Variants in SGCZ observed in about 807,000 individuals in gnomAD.
SGCZ encodes zeta-sarcoglycan.
SGCZ carries 40 observed loss-of-function variants against 41.3 expected under a neutral mutation model. The ratio of observed to expected loss-of-function variants is 0.97; its 90% confidence interval spans 0.75 to 1.26. The LOEUF is 1.26. SGCZ is among the 50% of genes most tolerant of loss of function. SGCZ has a pLI of 0.00. For missense variants in SGCZ, 552 were observed against 369.8 expected (o/e 1.49, Z -4.04); for synonymous variants, 206 against 137.5 (o/e 1.50, Z -3.49).
chr8:14,752,622 T>C (rs1799533842), intron 1 of SGCZ, among the ~76,000 whole-genome samples: 1 of 152,198 alleles, frequency 6.6e-6, no homozygotes. Flanking sequence ...CTATAGGAGA[T>C]ACTTGAAAAA....
intron 1 of SGCZ, among the ~76,000 whole-genome samples, chr8:14,925,534 T>C (rs1250227513): frequency 6.6e-6 from 1 of 152,194 alleles, no homozygotes; most frequent in Non-Finnish European, 1.5e-5. Context: ...ATGCATTGCC[T>C]ATAAACAGAT....
intron 1 of SGCZ, among the ~76,000 whole-genome samples, chr8:15,102,886 T>G (rs1224869707): frequency 6.6e-6 from 1 of 152,162 alleles, no homozygotes. Context: ...CAGGAACTCT[T>G]TAGTCCAAGA....
chr8:14,328,527 CT>C (rs1246705111), intron 2 of SGCZ, among the ~76,000 whole-genome samples: 1 of 152,106 alleles, frequency 6.6e-6, no homozygotes, highest in Admixed American at 6.6e-5. Flanking sequence ...ATGTAGAAAG[CT>C]TAAAATAGTG....
intron 2 of SGCZ, among the ~76,000 whole-genome samples, chr8:14,387,331 T>A (rs1804610887): frequency 6.6e-6 from 1 of 152,164 alleles, no homozygotes; most frequent in South Asian, 2.1e-4. Flanking sequence ...AGATTACAGG[T>A]GTGAGCCACA....
chr8:15,032,901 C>A (rs72607335), intron 1 of SGCZ, among the ~76,000 whole-genome samples: 4,103 of 151,290 alleles, frequency 0.027, 222 homozygotes, highest in East Asian at 0.25. Context: ...GCCCCAGGCT[C>A]CAGGCCTACC....
intron 6 of SGCZ, among the ~76,000 whole-genome samples, chr8:14,103,168 C>A (rs1429701147): frequency 6.6e-6 from 1 of 151,820 alleles, no homozygotes; most frequent in Non-Finnish European, 1.5e-5. Context: ...AGTACAAATG[C>A]GATTGAAGGT....
At chr8:14,458,451 T>A (rs1800810902) in intron 2 of SGCZ, among the ~76,000 whole-genome samples, 1 of 152,108 alleles carries the variant, frequency 6.6e-6, no homozygotes, top group Non-Finnish European at 1.5e-5. Flanking sequence ...TTAGGATTAA[T>A]CAAATAAGTG....
chr8:14,673,487 T>G (rs942507813), intron 1 of SGCZ, among the ~76,000 whole-genome samples: 4 of 151,886 alleles, frequency 2.6e-5, no homozygotes, highest in African/African-American at 7.3e-5. Context: ...TCTCCTGCCA[T>G]CTTCTGAAGT....
At chr8:14,583,876 T>C (rs1804974595) in intron 1 of SGCZ, among the ~76,000 whole-genome samples, 1 of 152,142 alleles carries the variant, frequency 6.6e-6, no homozygotes, top group Non-Finnish European at 1.5e-5. Context: ...TTTAGGTCTT[T>C]CTTATCTCAA....
intron 4 of SGCZ, among the ~76,000 whole-genome samples, chr8:14,173,169 GT>G (rs35802498): frequency 0.35 from 52,879 of 149,914 alleles, 11,925 homozygotes; most frequent in Non-Finnish European, 0.51. Flanking sequence ...TGCTTTGAGA[GT>G]TTTTTTTTTA....
At chr8:14,933,933 G>A (rs1265342770) in intron 1 of SGCZ, among the ~76,000 whole-genome samples, 6 of 151,920 alleles carry the variant, frequency 3.9e-5, no homozygotes, top group Admixed American at 3.9e-4. Context: ...AGAAGAAAAT[G>A]TTCTTAATCT....
At chr8:14,991,921 A>T (rs1563417016) in intron 1 of SGCZ, among the ~76,000 whole-genome samples, 1 of 151,250 alleles carries the variant, frequency 6.6e-6, no homozygotes, top group African/African-American at 2.4e-5. Flanking sequence ...TCCCAAAACC[A>T]GTGTTACCCT....
Position 14,152,522 on chromosome 8 carries a change from C to T in SGCZ, c.547+12058G>A, listed in dbSNP as rs140535395. On this transcript the variant is annotated intron_variant, in intron 5 of 7. Transcript: ENST00000382080. ...CTTAAAGCACAATGAAATATCACTA[C>T]ACAGCTGTTATCATATGACAACACC... Among the ~76,000 whole-genome samples, 13 of 152,234 alleles carry T rather than the reference C, an allele frequency of 8.5e-5. No homozygotes were observed. In the East Asian group the frequency reaches 2.3e-3, roughly 27 times the overall value.
chr8:14,462,339 C>G (rs1800925200), intron 2 of SGCZ, among the ~76,000 whole-genome samples: 1 of 151,660 alleles, frequency 6.6e-6, no homozygotes, highest in Non-Finnish European at 1.5e-5. Context: ...ATTTGTGTTC[C>G]TTTTTATTAT....
intron 3 of SGCZ, among the ~76,000 whole-genome samples, chr8:14,292,843 G>A (rs1244048618): frequency 1.3e-5 from 2 of 151,826 alleles, no homozygotes; most frequent in Non-Finnish European, 2.9e-5. Flanking sequence ...GTTACATAGA[G>A]TAATCCCTCT....
At chr8:14,227,915 T>C (rs561545660) in intron 4 of SGCZ, among the ~76,000 whole-genome samples, 3 of 152,158 alleles carry the variant, frequency 2.0e-5, no homozygotes, top group East Asian at 1.9e-4. Flanking sequence ...ACCTAGATCA[T>C]AAGTAATGGT....
chr8:15,208,221 C>G (rs10097637), intron 1 of SGCZ, among the ~76,000 whole-genome samples: 118,916 of 152,176 alleles, frequency 0.78, 46,931 homozygotes, highest in Non-Finnish European at 0.83. Context: ...TGCTGGAAAA[C>G]GATGATGAAA....
At chr8:14,350,997 G>T (rs1420360653) in intron 2 of SGCZ, among the ~76,000 whole-genome samples, 2 of 152,052 alleles carry the variant, frequency 1.3e-5, no homozygotes, top group African/African-American at 4.8e-5. Flanking sequence ...CTATGCATGC[G>T]TAGGGTCAGT....
At chr8:15,011,228 T>A (rs1409839923) in intron 1 of SGCZ, among the ~76,000 whole-genome samples, 1 of 152,184 alleles carries the variant, frequency 6.6e-6, no homozygotes, top group Non-Finnish European at 1.5e-5. Context: ...ACGCTTTTTT[T>A]AACTGGATAT....
Sources: gnomAD v4.1 joint callset for allele counts (sites outside exome capture counted in the v4.1 genomes callset) on GRCh38, gnomAD v4.1.1 for gene constraint, MANE v1.5 for transcripts, NCBI Gene and HGNC (gene_info 2026-07-23, HGNC 2026-07-21) for gene names.